The following NOX4 variants were observed in gnomAD, a reference collection of about 807,000 sequenced individuals.
The protein encoded by NOX4 is kidney oxidase-1.
A neutral mutation model predicts 87.6 loss-of-function variants in NOX4; 69 were observed. The observed-to-expected ratio is 0.79, with a 90% CI of 0.65 to 0.96. The LOEUF is 0.96. Ranked by LOEUF, NOX4 falls within the 40% of genes least tolerant of loss-of-function variation. NOX4 has a pLI of 0.00. For synonymous variants in NOX4, 275 were observed against 238.2 expected (o/e 1.15, Z -1.42); for missense variants, 680 against 681.5 (o/e 1.00, Z 0.02).
intron 17 of NOX4, 59 bp downstream of exon 17, chr11:89,335,786 T>G: frequency 1.3e-6 from 1 of 780,188 alleles, no homozygotes. Flanking sequence ...TGTAATTATT[T>G]GAAAATATTT....
At chr11:89,340,873 AC>A (rs575327330) in intron 14 of NOX4, among the ~76,000 whole-genome samples, 85 of 152,162 alleles carry the variant, frequency 5.6e-4, no homozygotes, top group African/African-American at 2.0e-3. Flanking sequence ...TTTTGTAAGA[AC>A]CGCCAGAAAG....
chr11:89,367,787 T>C (rs1350981595), intron 12 of NOX4, among the ~76,000 whole-genome samples: 4 of 152,014 alleles, frequency 2.6e-5, no homozygotes, highest in Non-Finnish European at 5.9e-5. Context: ...CCAAGTTTCA[T>C]AGCAAGATCT....
intron 17 of NOX4, among the ~76,000 whole-genome samples, chr11:89,330,746 G>C (rs188708243): frequency 1.9e-3 from 288 of 151,592 alleles, no homozygotes; most frequent in Admixed American, 5.3e-3. Flanking sequence ...AGAACAAATA[G>C]ATAAGTACAA....
At chr11:89,492,597 G>A (rs1258373550), upstream of NOX4, among the ~76,000 whole-genome samples, 1 of 152,112 alleles carries the variant, frequency 6.6e-6, no homozygotes, top group Non-Finnish European at 1.5e-5. Context: ...TTTTCTAATA[G>A]CCTGTTTTTC....
chr11:89,420,432 T>C (rs1943021041), intron 8 of NOX4, among the ~76,000 whole-genome samples: 1 of 152,114 alleles, frequency 6.6e-6, no homozygotes, highest in South Asian at 2.1e-4. Flanking sequence ...AGCAGTCTTT[T>C]ATCTACCAAG....
chr11:89,537,774 T>C, the NOX4 span, among the ~76,000 whole-genome samples: 5 of 152,160 alleles, frequency 3.3e-5, no homozygotes, highest in Non-Finnish European at 5.9e-5. Context: ...ACTATGATGT[T>C]CTCTGCTAGA....
chr11:89,544,303 C>T, the NOX4 span, among the ~76,000 whole-genome samples: 5 of 152,090 alleles, frequency 3.3e-5, no homozygotes, highest in Admixed American at 2.6e-4. Flanking sequence ...TCCCATTTTA[C>T]GTGTTTATTT....
chr11:89,527,063 G>A, the NOX4 span, among the ~76,000 whole-genome samples: 4 of 152,098 alleles, frequency 2.6e-5, no homozygotes, highest in Non-Finnish European at 5.9e-5. Context: ...TTTGGGAATT[G>A]GAATAAAGGT....
At chr11:89,574,000 C>A in the NOX4 span, among the ~76,000 whole-genome samples, 4 of 152,198 alleles carry the variant, frequency 2.6e-5, no homozygotes, top group Non-Finnish European at 5.9e-5. Flanking sequence ...CCTCTTAATG[C>A]ATATGCCTGG....
chr11:89,469,381 A>C (rs1337945767), intron 2 of NOX4, among the ~76,000 whole-genome samples: 2 of 152,190 alleles, frequency 1.3e-5, no homozygotes, highest in Non-Finnish European at 2.9e-5. Flanking sequence ...AAGTGATAAA[A>C]TATTTTAAAA....
chr11:89,576,796 A>G, the NOX4 span: 2 of 152,134 alleles, frequency 1.3e-5, no homozygotes, highest in Non-Finnish European at 2.9e-5. Flanking sequence ...AGTTTTACAA[A>G]TATTTCCTGA....
At chr11:89,572,531 G>GTTTT in the NOX4 span, among the ~76,000 whole-genome samples, 1 of 151,470 alleles carries the variant, frequency 6.6e-6, no homozygotes, top group African/African-American at 2.4e-5. Flanking sequence ...ATGTTTTTTT[G>GTTTT]TTTGTTTGTT....
rs918030645 is a variant in NOX4, at chr11:89,457,723, C to T, written c.154-5828G>A. The stretch of plus-strand genomic sequence containing the variant: ...ATTGTAAAAAACTCCATCCAAAGAA[C>T]AGTAACTTCAAAGACTAAAGGAACA... On this transcript the variant is annotated intron_variant, in intron 2 of 17. Coordinates refer to ENST00000263317, the MANE Select transcript of NOX4 (RefSeq NM_016931.5). Among the ~76,000 whole-genome samples the T allele has an allele frequency of 2.6e-5, 4 of 152,146 alleles. No homozygotes were observed. The East Asian group carries it at 5.8e-4, about 22-fold the overall frequency.
chr11:89,395,155 C>A (rs1216328617), intron 11 of NOX4, among the ~76,000 whole-genome samples: 3 of 152,192 alleles, frequency 2.0e-5, no homozygotes, highest in Non-Finnish European at 2.9e-5. Flanking sequence ...CACATCCTCT[C>A]CAGCATCTGT....
At chr11:89,424,078 A>T (rs997765430) in intron 7 of NOX4, among the ~76,000 whole-genome samples, 7 of 151,720 alleles carry the variant, frequency 4.6e-5, no homozygotes, top group South Asian at 2.1e-4. Context: ...GTCTCAAAAA[A>T]ATATATATAT....
chr11:89,432,405 G>T (rs1013657869), intron 7 of NOX4, among the ~76,000 whole-genome samples: 4 of 151,648 alleles, frequency 2.6e-5, no homozygotes, highest in African/African-American at 9.7e-5. Flanking sequence ...TAAAAATAAT[G>T]AAATAATAAA....
intron 11 of NOX4, among the ~76,000 whole-genome samples, chr11:89,379,614 G>A (rs986351305): frequency 1.3e-5 from 2 of 152,064 alleles, no homozygotes; most frequent in African/African-American, 4.8e-5. Flanking sequence ...CACTTCCTAA[G>A]TGGAGTTGCA....
chr11:89,473,732 TA>T (rs1305998607), intron 2 of NOX4, among the ~76,000 whole-genome samples: 1 of 152,144 alleles, frequency 6.6e-6, no homozygotes, highest in Non-Finnish European at 1.5e-5. Flanking sequence ...GTCCTCAAAA[TA>T]CTAGCAATCT....
Position 89,438,810 on chromosome 11 carries a change from T to A in NOX4, c.475+1878A>T, listed in dbSNP as rs1220597529. On this transcript the variant is annotated intron_variant, in intron 6 of 17. Coordinates refer to ENST00000263317, the MANE Select transcript of NOX4 (RefSeq NM_016931.5). ...ATATAGTGTATAATATATTATATAT[T>A]ATATATATTATATAATATCTTATAT... Among the ~76,000 whole-genome samples the A allele has an allele frequency of 4.4e-4, 10 of 22,786 alleles. 2 individuals carry two copies. Among genetic ancestry groups the A allele is most frequent in the East Asian group, 4.3e-3 (2 of 466 alleles). The allele number at this position is 22,786 out of a possible 152,430, so 14.9% of individuals were successfully genotyped here.
Sources: gnomAD v4.1 joint callset for allele counts (sites outside exome capture counted in the v4.1 genomes callset) on GRCh38, gnomAD v4.1.1 for gene constraint, MANE v1.5 for transcripts, NCBI Gene and HGNC (gene_info 2026-07-23, HGNC 2026-07-21) for gene names.